The following GALK2 variants were observed in gnomAD, a reference collection of about 807,000 sequenced individuals.
The protein encoded by GALK2 is N-acetylgalactosamine kinase.
GALK2 carries 36 observed loss-of-function variants against 52.4 expected under a neutral mutation model. The ratio of observed to expected loss-of-function variants is 0.69; its 90% CI spans 0.53 to 0.91. GALK2 has a LOEUF of 0.91. Ranked by LOEUF, GALK2 falls within the 40% of genes least tolerant of loss-of-function variation. GALK2 has a pLI of 0.00. For missense variants in GALK2, 579 were observed against 559.1 expected (o/e 1.04, Z -0.36); for synonymous variants, 176 against 199.1 (o/e 0.88, Z 0.98).
chr15:49,284,752 A>T (rs1402312750), intron 7 of GALK2, among the ~76,000 whole-genome samples: 1 of 152,108 alleles, frequency 6.6e-6, no homozygotes, highest in South Asian at 2.1e-4. Context: ...CCCATATTTC[A>T]TGTTGGAAAT....
Position 49,328,313 on chromosome 15 carries a change from C to T in GALK2, c.*154C>T. On this transcript the variant is annotated 3_prime_UTR_variant, in exon 10 of 10. Transcript: ENST00000560031. ...ATTTTCAAAGAAATGGTTGAAAGCT[C>T]TCTATGCTTCATAATGATTCTTTTT... 4 of 1,433,582 alleles carry T rather than the reference C, an allele frequency of 2.8e-6. No individual in the cohort carries two copies. The highest frequency in any genetic ancestry group is 1.6e-5 in the South Asian group (1 of 64,286). 88.8% of individuals were successfully genotyped at this position (1,433,582 alleles called of 1,614,324 possible).
At chr15:49,345,038 T>A (rs1217474287) in intron 3 of GALK2, among the ~76,000 whole-genome samples, 2 of 152,234 alleles carry the variant, frequency 1.3e-5, no homozygotes, top group Non-Finnish European at 2.9e-5. Context: ...CTATTTAATT[T>A]CTTCCTCAGA....
At chr15:49,184,343 T>A (rs2086196630) in intron 1 of GALK2, among the ~76,000 whole-genome samples, 1 of 152,198 alleles carries the variant, frequency 6.6e-6, no homozygotes, top group Non-Finnish European at 1.5e-5. Context: ...ATCTGTTTTC[T>A]TTTTCAGTCT....
At chr15:49,309,066 G>C (rs1455401406) in intron 8 of GALK2, among the ~76,000 whole-genome samples, 1 of 152,148 alleles carries the variant, frequency 6.6e-6, no homozygotes, top group Non-Finnish European at 1.5e-5. Context: ...CTGGTGTCCG[G>C]GCACTTGTTT....
intron 5 of GALK2, among the ~76,000 whole-genome samples, chr15:49,266,147 A>G (rs1002067349): frequency 6.6e-6 from 1 of 152,148 alleles, no homozygotes; most frequent in Non-Finnish European, 1.5e-5. Flanking sequence ...CTTGGGCCAC[A>G]TGTTTATCAT....
intron 3 of GALK2, among the ~76,000 whole-genome samples, chr15:49,343,431 GTTTC>G (rs1194567931): frequency 6.6e-6 from 1 of 152,054 alleles, no homozygotes; most frequent in Non-Finnish European, 1.5e-5. Flanking sequence ...TGATTTAGGA[GTTTC>G]TTTGTGTTGA....
intron 2 of GALK2, among the ~76,000 whole-genome samples, chr15:49,209,091 G>A (rs981426562): frequency 2.6e-5 from 4 of 152,162 alleles, no homozygotes; most frequent in Non-Finnish European, 5.9e-5. Context: ...TAGTTGGTTG[G>A]TTAGTCCTTA....
At chr15:49,335,396 A>T (rs747363571), downstream of GALK2, 2 of 1,487,538 alleles carry the variant, frequency 1.3e-6, no homozygotes, top group East Asian at 4.5e-5. Flanking sequence ...TTTATATTTA[A>T]CAATAGTATA....
chr15:49,295,144 G>A (rs1300811767), intron 8 of GALK2, among the ~76,000 whole-genome samples: 3 of 151,156 alleles, frequency 2.0e-5, no homozygotes, highest in African/African-American at 7.3e-5. Flanking sequence ...TAGGAGTGAA[G>A]GAAAGAAGAA....
intron 8 of GALK2, among the ~76,000 whole-genome samples, chr15:49,318,601 T>A (rs1031768632): frequency 5.3e-5 from 8 of 152,210 alleles, no homozygotes; most frequent in African/African-American, 1.7e-4. Flanking sequence ...TATTTGTTTC[T>A]TATTTTCTTC....
intron 1 of GALK2, among the ~76,000 whole-genome samples, chr15:49,192,261 C>T (rs1358776526): frequency 6.6e-6 from 1 of 151,728 alleles, no homozygotes; most frequent in Non-Finnish European, 1.5e-5. Context: ...TTATCCCAGG[C>T]CATCTCAGCA....
At chr15:49,186,872 G>A (rs558202884) in intron 1 of GALK2, among the ~76,000 whole-genome samples, 1 of 152,130 alleles carries the variant, frequency 6.6e-6, no homozygotes, top group African/African-American at 2.4e-5. Context: ...CCTCAAAACA[G>A]TTATTTTGAA....
chr15:49,307,897 A>T (rs1283747430), intron 8 of GALK2, among the ~76,000 whole-genome samples: 1 of 152,204 alleles, frequency 6.6e-6, no homozygotes, highest in African/African-American at 2.4e-5. Context: ...TTGCTTTTAA[A>T]ATCAGGTAAA....
At chr15:49,303,205 C>T (rs1596033501) in intron 8 of GALK2, among the ~76,000 whole-genome samples, 2 of 152,194 alleles carry the variant, frequency 1.3e-5, no homozygotes, top group African/African-American at 4.8e-5. Context: ...ATTCCACTTC[C>T]TCTTTCAGAT....
intron 1 of GALK2, among the ~76,000 whole-genome samples, chr15:49,189,058 T>C (rs1398790354): frequency 6.6e-6 from 1 of 152,206 alleles, no homozygotes; most frequent in Non-Finnish European, 1.5e-5. Flanking sequence ...TTTAGGAATT[T>C]GGCTACCATG....
intron 3 of GALK2, among the ~76,000 whole-genome samples, chr15:49,356,812 A>G (rs1395706348): frequency 1.3e-5 from 1 of 79,720 alleles, no homozygotes; most frequent in African/African-American, 5.5e-5. Flanking sequence ...CACCTATTCC[A>G]AAATTGACCA....
chr15:49,354,980 A>G (rs980629276), intron 3 of GALK2, among the ~76,000 whole-genome samples: 3 of 151,894 alleles, frequency 2.0e-5, no homozygotes, highest in Non-Finnish European at 2.9e-5. Flanking sequence ...GCAGGGGCAC[A>G]CTGACACCTC....
Position 49,282,093 on chromosome 15 carries a change from G to A in GALK2, c.603+8G>A. 6.3e-7 allele frequency: 1 copy of A among 1,595,010 alleles called. No individual in the cohort carries two copies. Among genetic ancestry groups the A allele is most frequent in the Non-Finnish European group, 8.6e-7 (1 of 1,164,796 alleles). On this transcript the variant is annotated splice_region_variant and intron_variant, in intron 6 of 9. Coordinates refer to ENST00000560031, the MANE Select transcript of GALK2 (RefSeq NM_002044.4). The stretch of plus-strand genomic sequence containing the variant: ...CTTGCAGAAGAAGGAACTGTAGGTA[G>A]CATTCCAAGTAGGAACCATTCAGAA...
At chr15:49,341,367 G>A (rs1173467266) in intron 3 of GALK2, among the ~76,000 whole-genome samples, 2 of 152,082 alleles carry the variant, frequency 1.3e-5, no homozygotes, top group Non-Finnish European at 2.9e-5. Context: ...TAACAATATT[G>A]ATTCTTCCAA....
Sources: allele counts gnomAD v4.1 joint callset (sites outside exome capture counted in the v4.1 genomes callset), GRCh38; gene constraint gnomAD v4.1.1; transcripts MANE v1.5; gene names NCBI Gene and HGNC (gene_info 2026-07-23, HGNC 2026-07-21).